Variants in CNN3 observed in about 807,000 individuals in gnomAD.
CNN3 encodes calponin 3, also known as calponin-3.
CNN3 carries 11 observed loss-of-function variants against 39.0 expected under a neutral mutation model. The observed-to-expected ratio is 0.28, with a 90% CI of 0.18 to 0.47. The LOEUF (loss-of-function observed/expected upper bound fraction) is 0.47. Among genes scored for constraint, CNN3 ranks in the 20% least tolerant of loss-of-function variants. CNN3 has a pLI of 0.99. For missense variants in CNN3, 266 were observed against 403.4 expected (o/e 0.66, Z 2.92); for synonymous variants, 101 against 138.3 (o/e 0.73, Z 1.89).
chr1:94,925,836 A>C, intron 1 of CNN3: 1 of 985,248 alleles, frequency 1.0e-6, no homozygotes. Context: ...GGAGACAATG[A>C]GCGTTCTGTG....
At chr1:94,918,283 A>G (rs1671338060) in intron 1 of CNN3, among the ~76,000 whole-genome samples, 1 of 152,104 alleles carries the variant, frequency 6.6e-6, no homozygotes, top group Admixed American at 6.5e-5. Context: ...ACCTGAGGTC[A>G]GAAGTTCAAG....
Position 94,927,107 on chromosome 1 carries a change from G to A in CNN3, c.-213C>T, listed in dbSNP as rs554757419. 8.3e-5 allele frequency: 40 copies of A among 480,584 alleles called. No homozygotes were observed. The South Asian group carries it at 1.2e-3, about 14-fold the overall frequency. 29.8% of individuals were successfully genotyped at this position (480,584 alleles called of 1,614,324 possible). A position where few individuals can be genotyped will look rare whatever the true frequency, so the allele number is the denominator to read the frequency against. ...CCTCGAGCTCCGCTGCGAAGCACCC[G>A]GCTGCCTCGCTCGCCGCCCGCACCT... On this transcript the variant is annotated 5_prime_UTR_variant, in exon 1 of 7. Transcript: ENST00000370206.
In CNN3 at chr1:94,897,725, G is replaced by A; in HGVS notation, c.*17C>T. ...ATAAAAACAAAGGACTAAATACTGA[G>A]CTCCTTCTGTGTGGATCTAATAATC... On this transcript the variant is annotated 3_prime_UTR_variant, in exon 7 of 7. Coordinates refer to ENST00000370206, the MANE Select transcript of CNN3 (RefSeq NM_001839.5). 1 of 1,602,464 alleles carries A rather than the reference G, an allele frequency of 6.2e-7. No homozygotes were observed. The highest frequency in any genetic ancestry group is 8.5e-7 in the Non-Finnish European group (1 of 1,171,182).
chr1:94,907,082 G>C (rs552141442), intron 1 of CNN3, among the ~76,000 whole-genome samples: 8 of 152,250 alleles, frequency 5.3e-5, no homozygotes, highest in African/African-American at 1.7e-4. Flanking sequence ...AGTGGTTGTG[G>C]GGGGGAGCTC....
At chr1:94,915,311 C>A (rs568436231) in intron 1 of CNN3, among the ~76,000 whole-genome samples, 42 of 152,272 alleles carry the variant, frequency 2.8e-4, no homozygotes, top group Middle Eastern at 3.4e-3. Flanking sequence ...AGGCTGGATG[C>A]AAACTGAAGT....
At chr1:94,922,132 A>C (rs1220095893) in intron 1 of CNN3, among the ~76,000 whole-genome samples, 1 of 152,228 alleles carries the variant, frequency 6.6e-6, no homozygotes, top group East Asian at 1.9e-4. Flanking sequence ...AAGAAAAACA[A>C]GGCTAGGAAT....
chr1:94,912,883 C>T (rs557329149), intron 1 of CNN3, among the ~76,000 whole-genome samples: 1 of 152,278 alleles, frequency 6.6e-6, no homozygotes, highest in South Asian at 2.1e-4. Context: ...CTCCTGAAGT[C>T]CAGTTTAGTA....
At chr1:94,898,487 T>C (rs1348132435) in intron 6 of CNN3, among the ~76,000 whole-genome samples, 1 of 152,222 alleles carries the variant, frequency 6.6e-6, no homozygotes, top group Non-Finnish European at 1.5e-5. Flanking sequence ...GGGGACCACA[T>C]ACATTATCTG....
chr1:94,904,030 A>AACAC (rs146479903), intron 1 of CNN3, among the ~76,000 whole-genome samples: 1 of 151,560 alleles, frequency 6.6e-6, no homozygotes, highest in Admixed American at 6.6e-5. Flanking sequence ...CTATATACTA[A>AACAC]ACACACACAC....
At chr1:94,906,898 G>A (rs956343954) in intron 1 of CNN3, among the ~76,000 whole-genome samples, 5 of 152,172 alleles carry the variant, frequency 3.3e-5, no homozygotes, top group Non-Finnish European at 5.9e-5. Flanking sequence ...AACAGATTTG[G>A]TGCCATGCCC....
chr1:94,905,705 T>C (rs1166656949), intron 1 of CNN3, among the ~76,000 whole-genome samples: 1 of 152,250 alleles, frequency 6.6e-6, no homozygotes, highest in African/African-American at 2.4e-5. Flanking sequence ...TTGCAGTGTT[T>C]CATGGATCAA....
intron 1 of CNN3, among the ~76,000 whole-genome samples, chr1:94,911,092 C>A (rs561090433): frequency 6.6e-6 from 1 of 152,282 alleles, no homozygotes; most frequent in South Asian, 2.1e-4. Context: ...CAAAATCAGG[C>A]ATGTATCTTA....
intron 1 of CNN3, among the ~76,000 whole-genome samples, chr1:94,912,869 C>T (rs864553): frequency 6.6e-6 from 1 of 152,108 alleles, no homozygotes; most frequent in African/African-American, 2.4e-5. Context: ...TTATGTCTAG[C>T]GCACTCCTGA....
chr1:94,903,228 C>T lies in CNN3; in HGVS notation c.180-40G>A, dbSNP rs150322247. The T allele has an allele frequency of 8.8e-6, 14 of 1,596,976 alleles. No homozygotes were observed. The African/African-American group carries it at 1.5e-4, about 17-fold the overall frequency. On this transcript the variant is annotated intron_variant, in intron 2 of 6. Transcript: ENST00000370206. ...ATGAGAGACATCTTATTTACTGGCA[C>T]ACAAAAACAAGGATTGAAATATCAA...
chr1:94,926,324 C>T lies in CNN3; in HGVS notation c.57+514G>A, dbSNP rs1671578339. ...ATGGGTCCCGGACCGGCTTCCGTTCCTCGGGGCCCCTGGGGTCGGCGGGAC... is the reference window on the plus strand; with the variant it reads ...ATGGGTCCCGGACCGGCTTCCGTTCTTCGGGGCCCCTGGGGTCGGCGGGAC... On this transcript the variant is annotated intron_variant, in intron 1 of 6. Coordinates refer to ENST00000370206, the MANE Select transcript of CNN3 (RefSeq NM_001839.5). This position sits in a 1 kb window ranked among gnomAD's most constrained non-coding sequence, Gnocchi z 4.2. Among the ~76,000 whole-genome samples the T allele has an allele frequency of 6.6e-6, 1 of 152,192 alleles. No individual in the cohort carries two copies. The highest frequency in any genetic ancestry group is 1.5e-5 in the Non-Finnish European group (1 of 68,032).
At chr1:94,899,829 C>A (rs188891333) in intron 5 of CNN3, among the ~76,000 whole-genome samples, 32 of 152,282 alleles carry the variant, frequency 2.1e-4, no homozygotes, top group Middle Eastern at 3.4e-3. Context: ...CCCAGATAAC[C>A]AAATTAAGAG....
In CNN3 at chr1:94,926,691, G is replaced by C. The variant is rs370433319; in HGVS notation, c.57+147C>G. The C allele has an allele frequency of 2.9e-5, 26 of 889,654 alleles. No individual in the cohort carries two copies. The East Asian group carries it at 6.3e-4, about 22-fold the overall frequency. The allele number at this position is 889,654 out of a possible 1,614,324, so 55.1% of individuals were successfully genotyped here. ...AAGCCCGGGGACTGGACGCGACCGG[G>C]ACAGGCAGAGACGCTCGCGCCGCCT... On this transcript the variant is annotated intron_variant, in intron 1 of 6. Transcript: ENST00000370206. The surrounding 1 kb of genome is among the most constrained non-coding windows in gnomAD (Gnocchi z 4.2).
chr1:94,903,852 A>G (rs556334151), intron 1 of CNN3, among the ~76,000 whole-genome samples: 131 of 152,214 alleles, frequency 8.6e-4, no homozygotes, highest in African/African-American at 3.1e-3. Context: ...TGGCACTCAA[A>G]CTTTAAGGTT....
chr1:94,919,897 T>A (rs1414012597), intron 1 of CNN3, among the ~76,000 whole-genome samples: 1 of 151,758 alleles, frequency 6.6e-6, no homozygotes, highest in African/African-American at 2.4e-5. Flanking sequence ...GGGGGAAAAC[T>A]AAGCATTAGT....
Sources: gnomAD v4.1 joint callset for allele counts (sites outside exome capture counted in the v4.1 genomes callset) on GRCh38, gnomAD v4.1.1 for gene constraint, Gnocchi (gnomAD v3.1) non-coding constraint, MANE v1.5 for transcripts, NCBI Gene and HGNC (gene_info 2026-07-23, HGNC 2026-07-21) for gene names.